The following ZDHHC21 variants were observed in gnomAD, a reference collection of about 807,000 sequenced individuals.
ZDHHC21 encodes the protein palmitoyltransferase ZDHHC21.
A neutral mutation model predicts 34.6 loss-of-function variants in ZDHHC21; 15 were observed. The observed-to-expected ratio is 0.43, with a 90% CI of 0.29 to 0.67. The LOEUF is 0.67. Among genes scored for constraint, ZDHHC21 ranks in the 30% least tolerant of loss-of-function variants. The probability of loss-of-function intolerance (pLI) is 0.14; values close to 1 mark genes in which losing one functional copy is unlikely to be tolerated. For synonymous variants in ZDHHC21, 142 were observed against 101.8 expected (o/e 1.40, Z -2.38); for missense variants, 344 against 327.7 (o/e 1.05, Z -0.38).
intron 7 of ZDHHC21, among the ~76,000 whole-genome samples, chr9:14,641,013 G>T (rs1829281132): frequency 6.6e-6 from 1 of 152,088 alleles, no homozygotes; most frequent in Non-Finnish European, 1.5e-5. Context: ...GAAAATAAAA[G>T]CACCAAGTGG....
rs1474277004 is a variant in ZDHHC21, at chr9:14,632,666, T to C, written c.621+7230A>G. On this transcript the variant is annotated intron_variant, in intron 8 of 9. Transcript: ENST00000380916. ...TAAAGTGAAAATATAACTAAGAGAATGTGAGAATATTTGCAAATCACATAT... is the reference window on the plus strand; with the variant it reads ...TAAAGTGAAAATATAACTAAGAGAACGTGAGAATATTTGCAAATCACATAT... Among the ~76,000 whole-genome samples the C allele has an allele frequency of 1.4e-5, 2 of 142,112 alleles. 1 individual carries two copies. The highest frequency in any genetic ancestry group is 3.0e-5 in the Non-Finnish European group (2 of 65,808). The allele number at this position is 142,112 out of a possible 152,430, so 93.2% of individuals were successfully genotyped here.
intron 5 of ZDHHC21, among the ~76,000 whole-genome samples, chr9:14,670,330 C>T (rs2131492422): frequency 6.6e-6 from 1 of 152,236 alleles, no homozygotes. Context: ...AAACTACAGT[C>T]TGCAGGCAAA....
chr9:14,629,643 T>C (rs960777760), intron 8 of ZDHHC21, among the ~76,000 whole-genome samples: 3 of 152,190 alleles, frequency 2.0e-5, no homozygotes, highest in African/African-American at 7.2e-5. Context: ...AAAATGCTAA[T>C]GATCATTTGA....
the ZDHHC21 span, among the ~76,000 whole-genome samples, chr9:14,597,957 G>T: frequency 6.6e-6 from 1 of 152,060 alleles, no homozygotes; most frequent in African/African-American, 2.4e-5. Context: ...CAGAGAACTT[G>T]CCTGCCCAGC....
At chr9:14,590,221 G>A in the ZDHHC21 span, among the ~76,000 whole-genome samples, 6 of 152,060 alleles carry the variant, frequency 3.9e-5, no homozygotes, top group African/African-American at 9.7e-5. Context: ...GAGTGAACAT[G>A]AAACATAGAA....
chr9:14,606,555 C>T (rs1284614632), downstream of ZDHHC21, among the ~76,000 whole-genome samples: 9 of 152,254 alleles, frequency 5.9e-5, no homozygotes, highest in East Asian at 9.6e-4. Context: ...AGACCTCAGA[C>T]ACCATGGAAG....
At chr9:14,655,924 T>G (rs948687256) in intron 7 of ZDHHC21, among the ~76,000 whole-genome samples, 1 of 151,578 alleles carries the variant, frequency 6.6e-6, no homozygotes. Flanking sequence ...TCAAGATAGG[T>G]TGAAAGTATT....
the ZDHHC21 span, among the ~76,000 whole-genome samples, chr9:14,602,338 G>C: frequency 6.6e-6 from 1 of 151,814 alleles, no homozygotes; most frequent in Non-Finnish European, 1.5e-5. Context: ...TGACACAAGG[G>C]ACCTCATAAA....
At chr9:14,663,540 CTCT>C (rs1263947161) in intron 5 of ZDHHC21, among the ~76,000 whole-genome samples, 2 of 54,420 alleles carry the variant, frequency 3.7e-5, no homozygotes, top group East Asian at 9.0e-4. Context: ...TCTTTTTTTT[CTCT>C]TTTTTTTCTT....
At chr9:14,646,323 C>T (rs1267834716) in intron 7 of ZDHHC21, among the ~76,000 whole-genome samples, 1 of 152,080 alleles carries the variant, frequency 6.6e-6, no homozygotes, top group Non-Finnish European at 1.5e-5. Flanking sequence ...TGCACTCCTT[C>T]ATATGTGTAT....
intron 3 of ZDHHC21, among the ~76,000 whole-genome samples, chr9:14,674,740 G>A (rs553987304): frequency 3.3e-5 from 5 of 151,870 alleles, no homozygotes; most frequent in South Asian, 2.1e-4. Flanking sequence ...ATGAATACAC[G>A]TGTCCACCAA....
At chr9:14,642,281 C>A (rs1324699055) in intron 7 of ZDHHC21, among the ~76,000 whole-genome samples, 1 of 152,152 alleles carries the variant, frequency 6.6e-6, no homozygotes, top group African/African-American at 2.4e-5. Flanking sequence ...AGCACTAAAT[C>A]CATATTTTGA....
At chr9:14,680,946 C>T (rs541572531) in intron 2 of ZDHHC21, among the ~76,000 whole-genome samples, 3 of 152,132 alleles carry the variant, frequency 2.0e-5, no homozygotes, top group African/African-American at 7.2e-5. Flanking sequence ...GACAACAAAC[C>T]CTGTGAGGTA....
In ZDHHC21 at chr9:14,611,928, G is replaced by A. The variant is rs1823371795; in HGVS notation, c.*7038C>T. ...TTTTTTCTTTTATATGTTCATCTCT[G>A]GGAGACAGTGAATAGTGGTGAATTC... On this transcript the variant is annotated 3_prime_UTR_variant, in exon 10 of 10. Transcript: ENST00000380916. The A allele has an allele frequency of 6.6e-6, 1 of 151,856 alleles. No homozygotes were observed. Among genetic ancestry groups the A allele is most frequent in the African/African-American group, 2.4e-5 (1 of 41,372 alleles). The allele number at this position is 151,856 out of a possible 1,614,324, so 9.4% of individuals were successfully genotyped here.
intron 8 of ZDHHC21, among the ~76,000 whole-genome samples, chr9:14,637,197 T>C: frequency 6.6e-6 from 1 of 151,798 alleles, no homozygotes; most frequent in East Asian, 1.9e-4. Flanking sequence ...GTAAATAAAA[T>C]CAGACATGAA....
At chr9:14,665,693 T>C (rs1300954313) in intron 5 of ZDHHC21, among the ~76,000 whole-genome samples, 1 of 137,910 alleles carries the variant, frequency 7.3e-6, no homozygotes, top group Non-Finnish European at 1.6e-5. Context: ...GGGCCAATAT[T>C]CAACATTCTT....
chr9:14,609,815 T>C (rs964488395), downstream of ZDHHC21, among the ~76,000 whole-genome samples: 3 of 152,016 alleles, frequency 2.0e-5, no homozygotes, highest in Non-Finnish European at 2.9e-5. Context: ...ATCACTTGAG[T>C]TTTAGTGTAG....
intron 8 of ZDHHC21, among the ~76,000 whole-genome samples, chr9:14,631,509 T>C (rs1332510415): frequency 6.6e-6 from 1 of 152,234 alleles, no homozygotes; most frequent in African/African-American, 2.4e-5. Flanking sequence ...TGAAGTAGCA[T>C]TTTAAATTTC....
At chr9:14,602,620 T>TC in the ZDHHC21 span, among the ~76,000 whole-genome samples, 1 of 151,922 alleles carries the variant, frequency 6.6e-6, no homozygotes, top group Non-Finnish European at 1.5e-5. Flanking sequence ...TATAAGGAAA[T>TC]CCCCATCAGA....
Sources: allele counts gnomAD v4.1 joint callset (sites outside exome capture counted in the v4.1 genomes callset), GRCh38; gene constraint gnomAD v4.1.1; transcripts MANE v1.5; gene names NCBI Gene and HGNC (gene_info 2026-07-23, HGNC 2026-07-21).